The following RAPGEF4 variants were observed in gnomAD, a reference collection of about 807,000 sequenced individuals.
RAPGEF4 encodes RAP guanine-nucleotide-exchange factor (GEF) 4.
Under a neutral mutation model 147.9 loss-of-function variants are expected in RAPGEF4, and 66 were observed. The observed-to-expected ratio is 0.45, with a 90% CI of 0.37 to 0.55. RAPGEF4 has a LOEUF of 0.55. RAPGEF4 is among the 20% of genes least tolerant of loss of function. RAPGEF4 has a pLI of 0.00. For missense variants in RAPGEF4, 1,071 were observed against 1,257.3 expected, an observed-to-expected ratio of 0.85 and a Z score of 2.24; for synonymous variants, 419 against 442.7, an observed-to-expected ratio of 0.95 and a Z score of 0.67.
intron 1 of RAPGEF4, among the ~76,000 whole-genome samples, chr2:172,776,131 C>G (rs887509265): frequency 1.3e-5 from 2 of 152,156 alleles, no homozygotes; most frequent in African/African-American, 4.8e-5. Flanking sequence ...ATATGTAACT[C>G]CTCTTAGAAC....
chr2:172,859,198 T>C (rs1162638620), intron 4 of RAPGEF4, among the ~76,000 whole-genome samples: 1 of 152,252 alleles, frequency 6.6e-6, no homozygotes. Flanking sequence ...TGCTTTGTTA[T>C]CCATCAAATT....
At chr2:172,821,967 G>A (rs929348279) in intron 4 of RAPGEF4, 1 of 1,613,726 alleles carries the variant, frequency 6.2e-7, no homozygotes, top group Non-Finnish European at 8.5e-7. Flanking sequence ...AAGGACGTAT[G>A]CTCTACAAGG....
chr2:172,918,845 C>T (rs2150039049), intron 5 of RAPGEF4, among the ~76,000 whole-genome samples: 1 of 152,310 alleles, frequency 6.6e-6, no homozygotes, highest in South Asian at 2.1e-4. Context: ...CACAGCCAGC[C>T]ACCCTTCAGA....
chr2:172,979,834 TGG>T (rs1363880123), intron 10 of RAPGEF4, among the ~76,000 whole-genome samples: 9 of 152,084 alleles, frequency 5.9e-5, no homozygotes, highest in Non-Finnish European at 1.2e-4. Flanking sequence ...CTGGCCAATA[TGG>T]TGAAAACCCG....
At chr2:172,931,881 A>G (rs1686020798) in intron 6 of RAPGEF4, among the ~76,000 whole-genome samples, 1 of 152,250 alleles carries the variant, frequency 6.6e-6, no homozygotes, top group Non-Finnish European at 1.5e-5. Flanking sequence ...AGATGCGTAA[A>G]TGGTTCTGTC....
chr2:173,043,847 C>T (rs527271666), intron 29 of RAPGEF4, among the ~76,000 whole-genome samples: 1 of 152,348 alleles, frequency 6.6e-6, no homozygotes, highest in African/African-American at 2.4e-5. Context: ...GCCTCAGAGC[C>T]TCTGGCTTGT....
At position 172,894,940 on chromosome 2, in the gene RAPGEF4, A is replaced by G. The variant is rs909235726; in HGVS notation, c.445-22862A>G. Among the ~76,000 whole-genome samples, 3 of 152,008 alleles carry G rather than the reference A, an allele frequency of 2.0e-5. No individual in the cohort carries two copies. In the South Asian group the frequency reaches 6.2e-4, roughly 32 times the overall value. On this transcript the variant is annotated intron_variant, in intron 4 of 30. Transcript: ENST00000397081. ...ACTTGAACTGTCTTGAACTTTCTGC[A>G]TGTTTGTTGCCCAATTGATACTATG...
chr2:172,750,890 C>G (rs1331865349), intron 1 of RAPGEF4, among the ~76,000 whole-genome samples: 1 of 151,916 alleles, frequency 6.6e-6, no homozygotes, highest in Non-Finnish European at 1.5e-5. Context: ...GAATATTAAC[C>G]CTTTATCAGA....
chr2:172,824,400 C>A (rs1237873738), intron 4 of RAPGEF4, among the ~76,000 whole-genome samples: 1 of 152,236 alleles, frequency 6.6e-6, no homozygotes, highest in African/African-American at 2.4e-5. Context: ...TTTGTGCTTA[C>A]TTCTGCATAC....
Position 172,795,024 on chromosome 2 carries a change from G to A in RAPGEF4, c.66-1G>A. 6.2e-7 allele frequency: 1 copy of A among 1,613,344 alleles called. No homozygotes were observed. The highest frequency in any genetic ancestry group is 2.2e-5 in the East Asian group (1 of 44,860). On this transcript the variant is annotated splice_acceptor_variant, in intron 1 of 30. Coordinates refer to ENST00000397081, the MANE Select transcript of RAPGEF4 (RefSeq NM_007023.4). LOFTEE classifies it high-confidence loss of function. The stretch of plus-strand genomic sequence containing the variant: ...CTTTTGTGCCTTTTCTCCCTATACA[G>A]ACCACTGGAGCGATCCAGCGAAGAT...
chr2:172,896,332 A>G (rs139447643), intron 4 of RAPGEF4, among the ~76,000 whole-genome samples: 307 of 152,324 alleles, frequency 2.0e-3, no homozygotes, highest in Non-Finnish European at 3.6e-3. Context: ...AATTTTCAGG[A>G]TACATCATTA....
In RAPGEF4 at chr2:172,735,975, C is replaced by T; in HGVS notation, c.-9C>T. ...CCGCAGCCAGGGACACCGCGCGCCG[C>T]CGCTCAACATGGTCGCTGCGCACGC... On this transcript the variant is annotated 5_prime_UTR_variant, in exon 1 of 31. Transcript: ENST00000397081. 2.7e-6 allele frequency: 4 copies of T among 1,462,576 alleles called. No homozygotes were observed. The South Asian group carries it at 5.2e-5, about 19-fold the overall frequency. The allele number at this position is 1,462,576 out of a possible 1,614,324, so 90.6% of individuals were successfully genotyped here. A position where few individuals can be genotyped will look rare whatever the true frequency, so the allele number is the denominator to read the frequency against.
chr2:172,824,103 G>A (rs1461201355), intron 4 of RAPGEF4, among the ~76,000 whole-genome samples: 1 of 152,172 alleles, frequency 6.6e-6, no homozygotes, highest in Non-Finnish European at 1.5e-5. Context: ...ATAAAATATA[G>A]GGCAGTAGTT....
At chr2:172,942,470 C>T (rs1369214406) in intron 6 of RAPGEF4, among the ~76,000 whole-genome samples, 3 of 149,684 alleles carry the variant, frequency 2.0e-5, no homozygotes, top group African/African-American at 7.4e-5. Flanking sequence ...ATTGTTTCAA[C>T]AACTCCATTT....
At chr2:172,797,756 C>T in intron 3 of RAPGEF4, 143 bp downstream of exon 3, 1 of 620,836 alleles carries the variant, frequency 1.6e-6, no homozygotes, top group South Asian at 2.5e-5. Context: ...TTGTTGGATT[C>T]CTTTATTAAG....
At chr2:172,999,909 G>A (rs1277581044) in intron 16 of RAPGEF4, among the ~76,000 whole-genome samples, 1 of 152,140 alleles carries the variant, frequency 6.6e-6, no homozygotes, top group Non-Finnish European at 1.5e-5. Flanking sequence ...TGAGTGGTTG[G>A]CCATGTTAAC....
intron 6 of RAPGEF4, among the ~76,000 whole-genome samples, chr2:172,926,686 C>T (rs1685396420): frequency 6.6e-6 from 1 of 152,120 alleles, no homozygotes; most frequent in Admixed American, 6.5e-5. Flanking sequence ...ACTCTCCTGC[C>T]TTAGCCTTCT....
chr2:172,860,246 C>T, intron 4 of RAPGEF4: 1 of 985,336 alleles, frequency 1.0e-6, no homozygotes, highest in Non-Finnish European at 1.2e-6. Context: ...TTAAAAAAAA[C>T]TAGAATGTAC....
chr2:172,886,996 T>G (rs1697305079), intron 4 of RAPGEF4, among the ~76,000 whole-genome samples: 1 of 152,062 alleles, frequency 6.6e-6, no homozygotes, highest in Non-Finnish European at 1.5e-5. Flanking sequence ...GACACCAACG[T>G]GGCCAACATG....
Sources: gnomAD v4.1 joint callset for allele counts (sites outside exome capture counted in the v4.1 genomes callset) on GRCh38, gnomAD v4.1.1 for gene constraint, MANE v1.5 for transcripts, NCBI Gene and HGNC (gene_info 2026-07-23, HGNC 2026-07-21) for gene names.